SHC3: variants seen among roughly 807,000 people sequenced by gnomAD.
SHC3 encodes SHC-transforming protein 3.
A neutral mutation model predicts 60.4 loss-of-function variants in SHC3; 15 were observed. That is an observed-to-expected ratio of 0.25 (90% CI 0.17 to 0.38). The LOEUF (loss-of-function observed/expected upper bound fraction) is 0.38, where lower values mean the gene tolerates loss of function less well. Ranked by LOEUF, SHC3 falls within the 10% of genes least tolerant of loss-of-function variation. The pLI is 1.00. For synonymous variants in SHC3, 294 were observed against 325.9 expected (o/e 0.90, Z 1.05); for missense variants, 677 against 786.1 (o/e 0.86, Z 1.66).
At chr9:89,162,667 C>T (rs1345831969) in intron 1 of SHC3, among the ~76,000 whole-genome samples, 1 of 150,598 alleles carries the variant, frequency 6.6e-6, no homozygotes, top group Non-Finnish European at 1.5e-5. Context: ...CATTACCATT[C>T]AGGACATAGG....
rs1029986766 is a variant in SHC3, at chr9:89,105,228, C to T, written c.545+7328G>A. On this transcript the variant is annotated intron_variant, in intron 2 of 11. Coordinates refer to ENST00000375835, the MANE Select transcript of SHC3 (RefSeq NM_016848.6). ...CTCCTGCCTTTCTGAAGGATGTGAG[C>T]CCCCTTACTCAAGCAGCAGTATAAC... Among the ~76,000 whole-genome samples the T allele has an allele frequency of 2.0e-5, 3 of 152,128 alleles. No individual in the cohort carries two copies. The South Asian group carries it at 6.2e-4, about 32-fold the overall frequency.
At chr9:89,087,027 G>A (rs890442313) in intron 2 of SHC3, among the ~76,000 whole-genome samples, 3 of 152,032 alleles carry the variant, frequency 2.0e-5, no homozygotes, top group Non-Finnish European at 2.9e-5. Context: ...CCTCACTACC[G>A]TGGGTTCCAC....
At chr9:89,043,208 A>C (rs1332752539) in intron 9 of SHC3, among the ~76,000 whole-genome samples, 2 of 152,196 alleles carry the variant, frequency 1.3e-5, no homozygotes, top group African/African-American at 4.8e-5. Context: ...GACATTTGCC[A>C]GCACACCACT....
rs140223658 is a variant in SHC3 at position 89,042,785 on chromosome 9, G to C, written c.1202-601C>G. Among the ~76,000 whole-genome samples, 1,274 of 152,148 alleles carry C rather than the reference G, an allele frequency of 8.4e-3. 11 individuals are homozygous for C. The highest frequency in any genetic ancestry group is 0.029 in the African/African-American group (1,218 of 41,520). The stretch of plus-strand genomic sequence containing the variant: ...TCTGCTGAGGCAGTGATGCTGCCTC[G>C]ATGTGACTTCACAGCTAGCCAATGG... On this transcript the variant is annotated intron_variant, in intron 9 of 11. Transcript: ENST00000375835.
At chr9:89,038,399 C>T in intron 10 of SHC3, 111 bp from the exon 11 acceptor site, 1 of 1,201,930 alleles carries the variant, frequency 8.3e-7, no homozygotes. Flanking sequence ...GCAACTCCTC[C>T]AGAAGGGGAA....
At chr9:89,038,342 TAAAA>T (rs4061828) in intron 10 of SHC3, 54 bp from the exon 11 acceptor site, 185,624 of 1,194,160 alleles carry the variant, frequency 0.16, 300 homozygotes, top group East Asian at 0.34. Context: ...GAGCAAATGA[TAAAA>T]AAAAAAAAAA....
chr9:89,099,315 C>T (rs548877073), intron 2 of SHC3, among the ~76,000 whole-genome samples: 27 of 152,256 alleles, frequency 1.8e-4, no homozygotes, highest in Admixed American at 7.2e-4. Context: ...CATATAAAAA[C>T]AAACAGGTAA....
At chr9:89,064,232 G>T (rs1419116288) in intron 6 of SHC3, among the ~76,000 whole-genome samples, 1 of 152,160 alleles carries the variant, frequency 6.6e-6, no homozygotes, top group Non-Finnish European at 1.5e-5. Flanking sequence ...AAATTTGGGG[G>T]TGACGTGAAT....
At chr9:89,066,609 T>G (rs1382676521) in intron 5 of SHC3, among the ~76,000 whole-genome samples, 1 of 152,098 alleles carries the variant, frequency 6.6e-6, no homozygotes, top group Admixed American at 6.5e-5. Flanking sequence ...CTCTGCAAAG[T>G]TGGTATTTTC....
intron 2 of SHC3, among the ~76,000 whole-genome samples, chr9:89,099,236 T>C (rs966819438): frequency 6.6e-6 from 1 of 152,206 alleles, no homozygotes; most frequent in African/African-American, 2.4e-5. Context: ...AGGCTTTTTC[T>C]TTACACTTTT....
At chr9:89,126,610 G>T (rs1323220220) in intron 1 of SHC3, among the ~76,000 whole-genome samples, 1 of 152,108 alleles carries the variant, frequency 6.6e-6, no homozygotes, top group Non-Finnish European at 1.5e-5. Flanking sequence ...TTCTGAGATG[G>T]GTGGGTCTTT....
At chr9:89,160,414 A>C (rs997220008) in intron 1 of SHC3, among the ~76,000 whole-genome samples, 1 of 152,142 alleles carries the variant, frequency 6.6e-6, no homozygotes, top group African/African-American at 2.4e-5. Context: ...ACCTTTTTAG[A>C]ACATAGATTT....
intron 2 of SHC3, among the ~76,000 whole-genome samples, chr9:89,081,120 G>A (rs1020263200): frequency 6.6e-6 from 1 of 152,018 alleles, no homozygotes; most frequent in Non-Finnish European, 1.5e-5. Flanking sequence ...AAATCCAGAA[G>A]CCATAAAAGA....
intron 5 of SHC3, among the ~76,000 whole-genome samples, chr9:89,067,252 C>T (rs566150102): frequency 2.6e-5 from 4 of 152,262 alleles, no homozygotes; most frequent in East Asian, 1.9e-4. Flanking sequence ...ACTCACAAGA[C>T]GTGAATGTCA....
chr9:89,072,761 T>C (rs1825295124), intron 4 of SHC3, among the ~76,000 whole-genome samples: 1 of 152,198 alleles, frequency 6.6e-6, no homozygotes, highest in Non-Finnish European at 1.5e-5. Flanking sequence ...CAGGTTTAGT[T>C]CTGCAGAGTC....
intron 1 of SHC3, among the ~76,000 whole-genome samples, chr9:89,158,381 G>A (rs1826657326): frequency 6.6e-6 from 1 of 151,998 alleles, no homozygotes. Flanking sequence ...CAGAGACCAT[G>A]CTCTGTATGA....
At chr9:89,130,085 A>C (rs1439590686) in intron 1 of SHC3, among the ~76,000 whole-genome samples, 1 of 152,134 alleles carries the variant, frequency 6.6e-6, no homozygotes, top group East Asian at 1.9e-4. Context: ...AATGGAAAAC[A>C]AACAAACAAA....
intron 6 of SHC3, among the ~76,000 whole-genome samples, chr9:89,062,651 C>T (rs1825110318): frequency 6.6e-6 from 1 of 152,176 alleles, no homozygotes; most frequent in Non-Finnish European, 1.5e-5. Flanking sequence ...TGCATTCTGT[C>T]CCTGATGGTC....
At chr9:89,067,175 T>A (rs1487342202) in intron 5 of SHC3, among the ~76,000 whole-genome samples, 3 of 152,146 alleles carry the variant, frequency 2.0e-5, no homozygotes, top group Admixed American at 6.5e-5. Flanking sequence ...TCAAGGAGGA[T>A]CCAGTCAGAA....
Sources: allele counts gnomAD v4.1 joint callset (sites outside exome capture counted in the v4.1 genomes callset), GRCh38; gene constraint gnomAD v4.1.1; transcripts MANE v1.5; gene names NCBI Gene and HGNC (gene_info 2026-07-23, HGNC 2026-07-21).